POLE: variants seen among roughly 807,000 people sequenced by gnomAD.
The protein encoded by POLE is DNA polymerase epsilon catalytic subunit A.
A neutral mutation model predicts 279.2 loss-of-function variants in POLE; 188 were observed. That is an observed-to-expected ratio of 0.67 (90% confidence interval 0.60 to 0.76). The LOEUF (loss-of-function observed/expected upper bound fraction) is 0.76, where lower values mean the gene tolerates loss of function less well. POLE is among the 30% of genes least tolerant of loss of function. The pLI is 0.00. For missense variants in POLE, 2,703 were observed against 3,016.7 expected, an observed-to-expected ratio of 0.90 and a Z score of 2.44; for synonymous variants, 1,214 against 1,172.5, an observed-to-expected ratio of 1.04 and a Z score of -0.72.
intron 40 of POLE, 126 bp downstream of exon 40, chr12:132,638,999 C>T (rs2042087225): frequency 2.5e-6 from 2 of 815,626 alleles, no homozygotes; most frequent in Non-Finnish European, 4.0e-6. Flanking sequence ...GATTGTTATG[C>T]TCCACAAACT....
At chr12:132,647,803 T>C (rs2042320425) in intron 32 of POLE, among the ~76,000 whole-genome samples, 3 of 152,184 alleles carry the variant, frequency 2.0e-5, no homozygotes, top group Admixed American at 1.3e-4. Flanking sequence ...CCACCTGTTC[T>C]CTGTGGTCTC....
Position 132,667,379 on chromosome 12 carries a change from C to T in POLE, c.2319+124G>A, listed in dbSNP as rs138908341. 1.0e-4 allele frequency: 104 copies of T among 996,790 alleles called. 2 individuals are homozygous for T. The Middle Eastern group carries it at 1.6e-3, about 16-fold the overall frequency. 61.7% of individuals were successfully genotyped at this position (996,790 alleles called of 1,614,324 possible). On this transcript the variant is annotated intron_variant, in intron 20 of 48. Coordinates refer to ENST00000320574, the MANE Select transcript of POLE (RefSeq NM_006231.4). ...CTCTTCCAAGTCAAAAACAATTGCA[C>T]GTTACCATCCGAGTGCAAGTGCCTG...
intron 2 of POLE, 61 bp downstream of exon 2, chr12:132,681,077 C>G (rs2043155368): frequency 6.3e-7 from 1 of 1,588,634 alleles, no homozygotes; most frequent in Non-Finnish European, 8.6e-7. Flanking sequence ...AGATAAGGAC[C>G]ACGCTATGAC....
At chr12:132,659,077 T>C (rs778503524) in intron 26 of POLE, among the ~76,000 whole-genome samples, 10 of 152,184 alleles carry the variant, frequency 6.6e-5, no homozygotes, top group Non-Finnish European at 1.5e-4. Flanking sequence ...CCCTACAAAA[T>C]GGCAATTATC....
chr12:132,635,801 G>T, intron 42 of POLE, 91 bp downstream of exon 42: 1 of 1,406,026 alleles, frequency 7.1e-7, no homozygotes, highest in Non-Finnish European at 9.7e-7. Context: ...CTCACGGCCA[G>T]GCCCGCCGGG....
Position 132,657,970 on chromosome 12 carries a change from C to G in POLE, c.3276G>C (p.Arg1092Ser), listed in dbSNP as rs2042584379. 4.4e-6 allele frequency: 7 copies of G among 1,607,216 alleles called. No individual in the cohort carries two copies. Among genetic ancestry groups the G allele is most frequent in the Non-Finnish European group, 6.0e-6 (7 of 1,173,798 alleles). ...CTTGGAAAATGGCAAGTGGGATGGC[C>G]CTGGGTAAGGAAGACAGGCACACAG... ...RKPEGSPVTERAIPLAIFQAE... is the reference protein window; with the variant it reads ...RKPEGSPVTESAIPLAIFQAE... Residue 1092 changes from arginine (R) to serine (S), a missense_variant and splice_region_variant, in exon 27 of 49, where the codon AGG (arginine) becomes AGC (serine). This residue lies in a region of POLE where 1,551 missense variants were observed against 1,686.1 expected (regional missense o/e 0.92). Transcript: ENST00000320574.
intron 5 of POLE, 101 bp from the exon 6 acceptor site, chr12:132,679,752 C>A (rs2043128715): frequency 3.6e-6 from 5 of 1,372,512 alleles, no homozygotes; most frequent in Non-Finnish European, 5.0e-6. Context: ...AAAGAGTTGG[C>A]GACTTCAAGG....
At chr12:132,679,783 G>A (rs1474405852) in intron 5 of POLE, 132 bp from the exon 6 acceptor site, 30 of 1,113,974 alleles carry the variant, frequency 2.7e-5, no homozygotes, top group Admixed American at 6.9e-5. Context: ...AACTCTGCAC[G>A]TGGCACCAAC....
intron 43 of POLE, chr12:132,633,130 A>C (rs1320006651): frequency 1.1e-5 from 2 of 188,286 alleles, no homozygotes; most frequent in Admixed American, 1.1e-4. Flanking sequence ...CTTCTCCAAA[A>C]ACTACTCCGG....
intron 43 of POLE, chr12:132,633,208 G>A (rs1254107883): frequency 1.2e-5 from 2 of 162,436 alleles, no homozygotes; most frequent in African/African-American, 5.0e-5. Flanking sequence ...TTGTTGCCCA[G>A]ACTGTAGTGC....
intron 39 of POLE, 59 bp downstream of exon 39, chr12:132,641,587 AT>A: frequency 6.9e-7 from 1 of 1,459,498 alleles, no homozygotes; most frequent in Non-Finnish European, 9.5e-7. Context: ...AGCTTTCCAA[AT>A]TAAGGGCAAA....
chr12:132,672,213 A>G lies in POLE; in HGVS notation c.1794+2T>C. ...GGCTCTTCCTGCCTCCCTGATGGTT[A>G]CCTCTTCAAAGTTGGTGACTTGCTC... is the stretch of plus-strand genomic sequence containing the variant. On this transcript the variant is annotated splice_donor_variant, in intron 16 of 48. Coordinates refer to ENST00000320574, the MANE Select transcript of POLE (RefSeq NM_006231.4). LOFTEE classifies it high-confidence loss of function. 6.2e-7 allele frequency: 1 copy of G among 1,606,836 alleles called. No homozygotes were observed. Among genetic ancestry groups the G allele is most frequent in the South Asian group, 1.1e-5 (1 of 90,934 alleles).
rs770640217 is a variant in POLE, at chr12:132,675,126, C to A, written c.1226+272G>T. On this transcript the variant is annotated intron_variant, in intron 12 of 48. Transcript: ENST00000320574. The surrounding 1 kb of genome is among the most constrained non-coding windows in gnomAD (Gnocchi z 4.3). The stretch of plus-strand genomic sequence containing the variant: ...GCTCCATGAGGTCCTAGGTCTGGGA[C>A]CTGTCAGCTGAGTGCGTCTTTCCAG... Among the ~76,000 whole-genome samples the A allele has an allele frequency of 1.3e-5, 2 of 152,210 alleles. No homozygotes were observed. Among genetic ancestry groups the A allele is most frequent in the Non-Finnish European group, 2.9e-5 (2 of 68,050 alleles).
At chr12:132,656,005 A>C (rs2042525378) in intron 29 of POLE, among the ~76,000 whole-genome samples, 1 of 148,782 alleles carries the variant, frequency 6.7e-6, no homozygotes, top group South Asian at 2.1e-4. Flanking sequence ...TCTACTAAAA[A>C]TTTAAAAAAA....
At chr12:132,672,459 G>T in intron 15 of POLE, 137 bp from the exon 16 acceptor site, 1 of 1,013,482 alleles carries the variant, frequency 9.9e-7, no homozygotes, top group Non-Finnish European at 1.5e-6. Flanking sequence ...AATCTGCAGT[G>T]CACTGCCCTA....
Position 132,668,687 on chromosome 12 carries a change from C to A in POLE, c.1974G>T (p.Lys658Asn), listed in dbSNP as rs762795868. Residue 658 changes from lysine (K) to asparagine (N), a missense_variant, in exon 18 of 49, where the codon AAG becomes AAT. By Grantham distance (94) the Lys-to-Asn change is moderately conservative (BLOSUM62 0). Around this residue, in one of 5 missense-constraint regions of POLE, gnomAD observed 1,011 missense variants for 1,111.7 expected, o/e 0.91. Coordinates refer to ENST00000320574, the MANE Select transcript of POLE (RefSeq NM_006231.4). The surrounding 1 kb of genome is among the most constrained non-coding windows in gnomAD (Gnocchi z 4.0). ...TCTTCCGCTGGCAGTTTGCTCCAGG[C>A]TTATTGAAGTCACAGGCAGCACAGG... is the stretch of plus-strand genomic sequence containing the variant. Reference protein sequence around the residue: ...EATCAACDFNKPGANCQRKMA... With the variant: ...EATCAACDFNNPGANCQRKMA... 2.5e-6 allele frequency: 4 copies of A among 1,614,042 alleles called. No individual in the cohort carries two copies. Among genetic ancestry groups the A allele is most frequent in the Admixed American group, 3.3e-5 (2 of 60,016 alleles).
chr12:132,657,101 T>C (rs1593765564), intron 29 of POLE, 35 bp downstream of exon 29: 1 of 1,610,934 alleles, frequency 6.2e-7, no homozygotes, highest in South Asian at 1.1e-5. Context: ...GTCACAAGGA[T>C]CCCGCCCAGC....
rs2136051786 is a variant in POLE at position 132,687,244 on chromosome 12, C to G, written c.62+10G>C. 1 of 1,479,988 alleles carries G rather than the reference C, an allele frequency of 6.8e-7. No homozygotes were observed. Among genetic ancestry groups the G allele is most frequent in the Middle Eastern group, 2.4e-4 (1 of 4,248 alleles). 91.7% of individuals were successfully genotyped at this position (1,479,988 alleles called of 1,614,324 possible). On this transcript the variant is annotated intron_variant, in intron 1 of 48. Transcript: ENST00000320574. ...GGCCGGCCCGAGAGCCTCAGGAGGG[C>G]GCCCCTCACCTGCTGGCCTCGCCAT...
Position 132,659,420 on chromosome 12 carries a change from C to T in POLE, c.3150G>A (p.Lys1050=). The T allele has an allele frequency of 2.5e-6, 4 of 1,614,262 alleles. No individual in the cohort carries two copies. The highest frequency in any genetic ancestry group is 3.4e-6 in the Non-Finnish European group (4 of 1,180,042). The change falls in exon 26 of 49, where the codon AAG becomes AAA. Residue 1050 remains lysine (K), a synonymous_variant. Coordinates refer to ENST00000320574, the MANE Select transcript of POLE (RefSeq NM_006231.4). ...SRKLEDYGEQ[K]STSISTAKRL... is the part of the protein sequence containing the mutation. ...GCTTTGCTGTGCTGATGGACGTAGA[C>T]TTCTGCTCCCCGTAATCTTCCAGCT... is the stretch of plus-strand genomic sequence containing the variant.
Sources: gnomAD v4.1 joint callset for allele counts (sites outside exome capture counted in the v4.1 genomes callset) on GRCh38, gnomAD v4.1.1 for gene constraint, gnomAD v4.1.1 regional missense constraint, Gnocchi (gnomAD v3.1) non-coding constraint, MANE v1.5 for transcripts, NCBI Gene and HGNC (gene_info 2026-07-23, HGNC 2026-07-21) for gene names.